The following RCOR2 variants were observed in gnomAD, a reference collection of about 807,000 sequenced individuals.
RCOR2 encodes the protein REST corepressor 2.
A neutral mutation model predicts 58.9 loss-of-function variants in RCOR2; 19 were observed. That is an observed-to-expected ratio of 0.32 (90% CI 0.23 to 0.47). RCOR2 has a LOEUF of 0.47. Among genes scored for constraint, RCOR2 ranks in the 20% least tolerant of loss-of-function variants. The probability of loss-of-function intolerance (pLI) is 1.00; values close to 1 mark genes in which losing one functional copy is unlikely to be tolerated. For missense variants in RCOR2, 590 were observed against 707.9 expected (o/e 0.83, Z 1.89); for synonymous variants, 286 against 278.7 (o/e 1.03, Z -0.26).
chr11:63,925,520 T>C, the RCOR2 span, among the ~76,000 whole-genome samples: 1 of 151,782 alleles, frequency 6.6e-6, no homozygotes, highest in Non-Finnish European at 1.5e-5. Context: ...CACGAGGAGA[T>C]GGAAAAAGCC....
chr11:63,913,805 G>A (rs1941814649), intron 8 of RCOR2, 149 bp downstream of exon 8: 2 of 781,624 alleles, frequency 2.6e-6, no homozygotes, highest in Non-Finnish European at 4.3e-6. Flanking sequence ...TTAAGAGAAG[G>A]CCCAAAAAGA....
chr11:63,916,938 C>G lies in RCOR2; in HGVS notation c.-482G>C, dbSNP rs910648788. 3 of 150,760 alleles carry G rather than the reference C, an allele frequency of 2.0e-5. No individual in the cohort carries two copies. The highest frequency in any genetic ancestry group is 4.5e-5 in the Non-Finnish European group (3 of 67,414). 9.3% of individuals were successfully genotyped at this position (150,760 alleles called of 1,614,324 possible). ...CGGGGACCCGTGTCCTAAGCAGACC[C>G]CTGCCCGCGACGGCAGCCGGCCGGG... is the stretch of plus-strand genomic sequence containing the variant. On this transcript the variant is annotated 5_prime_UTR_variant, in exon 1 of 12. Transcript: ENST00000301459.
At position 63,914,636 on chromosome 11, in the gene RCOR2, G is replaced by A. The variant is rs201131662; in HGVS notation, c.480+19C>T. The A allele has an allele frequency of 3.2e-5, 51 of 1,603,634 alleles. No individual in the cohort carries two copies. The African/African-American group carries it at 5.2e-4, about 16-fold the overall frequency. ...GAGGGGCAGAGGAGCGCCGGGGAGT[G>A]GGGGTGGAAGGGCTTTACCATCTGC... On this transcript the variant is annotated intron_variant, in intron 5 of 11. Coordinates refer to ENST00000301459, the MANE Select transcript of RCOR2 (RefSeq NM_173587.4).
At position 63,917,013 on chromosome 11, in the gene RCOR2, G is replaced by A. The variant is rs1340065577; in HGVS notation, c.-557C>T. Among the ~76,000 whole-genome samples the A allele has an allele frequency of 1.4e-5, 2 of 146,996 alleles. No individual in the cohort carries two copies. Among genetic ancestry groups the A allele is most frequent in the Non-Finnish European group, 3.0e-5 (2 of 66,050 alleles). ...ACGGCGGCGGGACGGCGCGCACGGCGCGCGGCGCTGGGCAGAGTTGCCGGG... is the reference window on the plus strand; with the variant it reads ...ACGGCGGCGGGACGGCGCGCACGGCACGCGGCGCTGGGCAGAGTTGCCGGG... On this transcript the variant is annotated 5_prime_UTR_variant, in exon 1 of 12. Transcript: ENST00000301459.
At chr11:63,926,499 T>TTTG in the RCOR2 span, among the ~76,000 whole-genome samples, 248 of 151,152 alleles carry the variant, frequency 1.6e-3, 1 homozygote, top group African/African-American at 5.5e-3. Flanking sequence ...CTTTTTTTTT[T>TTTG]TTTGTTTGTT....
In RCOR2 at chr11:63,916,601, C is replaced by G. The variant is rs897520420; in HGVS notation, c.-145G>C. The G allele has an allele frequency of 4.2e-5, 58 of 1,379,228 alleles. No homozygotes were observed. Among genetic ancestry groups the G allele is most frequent in the Admixed American group, 4.0e-4 (14 of 34,942 alleles). 85.4% of individuals were successfully genotyped at this position (1,379,228 alleles called of 1,614,324 possible). ...GGCAGGAGGTCAGCGTGGCTAGGGT[C>G]CGGCGGGGTGGGAGCCCACCTGGTA... is the stretch of plus-strand genomic sequence containing the variant. On this transcript the variant is annotated 5_prime_UTR_variant, in exon 1 of 12. Coordinates refer to ENST00000301459, the MANE Select transcript of RCOR2 (RefSeq NM_173587.4).
chr11:63,924,800 C>T, the RCOR2 span, among the ~76,000 whole-genome samples: 49 of 152,014 alleles, frequency 3.2e-4, no homozygotes, highest in African/African-American at 1.2e-3. Context: ...CCTCCTGTCT[C>T]AGCCTCCTGA....
chr11:63,920,792 C>G (rs1270624072), upstream of RCOR2, among the ~76,000 whole-genome samples: 1 of 152,118 alleles, frequency 6.6e-6, no homozygotes, highest in Non-Finnish European at 1.5e-5. Flanking sequence ...CTGCCGCCCA[C>G]TGGGGCCCTG....
At chr11:63,921,734 C>T (rs1257583287), upstream of RCOR2, among the ~76,000 whole-genome samples, 1 of 152,166 alleles carries the variant, frequency 6.6e-6, no homozygotes, top group Non-Finnish European at 1.5e-5. Context: ...TCTTGAGCAC[C>T]CCCAGCAGGG....
chr11:63,923,008 C>T, the RCOR2 span, among the ~76,000 whole-genome samples: 190 of 152,232 alleles, frequency 1.2e-3, no homozygotes, highest in South Asian at 3.3e-3. Flanking sequence ...ACTCCAGCCA[C>T]CATATGGCTC....
chr11:63,922,827 C>T, the RCOR2 span, among the ~76,000 whole-genome samples: 1 of 152,160 alleles, frequency 6.6e-6, no homozygotes, highest in Non-Finnish European at 1.5e-5. Flanking sequence ...CACCTGGTGG[C>T]CCAGGATGCT....
intron 7 of RCOR2, 24 bp from the exon 8 acceptor site, chr11:63,914,193 T>C (rs776952745): frequency 6.2e-7 from 1 of 1,612,378 alleles, no homozygotes; most frequent in East Asian, 2.2e-5. Flanking sequence ...GAGAGGCAGG[T>C]AGGTGGTGCA....
upstream of RCOR2, among the ~76,000 whole-genome samples, chr11:63,919,822 C>T (rs538968611): frequency 1.4e-4 from 22 of 152,378 alleles, no homozygotes; most frequent in African/African-American, 4.8e-4. Context: ...ACAGCGCCTT[C>T]TTTTCGAGGG....
At position 63,914,457 on chromosome 11, in the gene RCOR2, G is replaced by C. The variant is rs753674888; in HGVS notation, c.565C>G (p.Gln189Glu). Reference sequence around the variant, plus strand: ...TTGCGGCCCCCCAGCCGCCGGGCCTGTCTGTCCATCACACTAGTTCGGCTG... The same window carrying C: ...TTGCGGCCCCCCAGCCGCCGGGCCTCTCTGTCCATCACACTAGTTCGGCTG... Reference protein sequence around the residue: ...TRSRTSVMDRQARRLGGRKDK... With the variant: ...TRSRTSVMDREARRLGGRKDK... The change falls in exon 6 of 12, where the codon CAG (glutamine) becomes GAG (glutamate). Residue 189 changes from glutamine (Q) to glutamate (E), a missense_variant. By Grantham distance (29) the Gln-to-Glu change is conservative. Transcript: ENST00000301459. 7.7e-5 allele frequency: 124 copies of C among 1,613,708 alleles called. No individual in the cohort carries two copies. Among genetic ancestry groups the C allele is most frequent in the Non-Finnish European group, 1.0e-4 (121 of 1,180,034 alleles).
At position 63,913,843 on chromosome 11, in the gene RCOR2, A is replaced by T. The variant is rs186628783; in HGVS notation, c.891+111T>A. The T allele has an allele frequency of 7.0e-6, 7 of 1,002,222 alleles. No individual in the cohort carries two copies. In the East Asian group the frequency reaches 1.7e-4, roughly 24 times the overall value. The allele number at this position is 1,002,222 out of a possible 1,614,324, so 62.1% of individuals were successfully genotyped here. On this transcript the variant is annotated intron_variant, in intron 8 of 11. Transcript: ENST00000301459. Reference sequence around the variant, plus strand: ...ACCACATTACTCAGAGTCCCAGAGGATGGGGCTCGGCCCCTGAACCATCTC... The same window carrying T: ...ACCACATTACTCAGAGTCCCAGAGGTTGGGGCTCGGCCCCTGAACCATCTC...
At chr11:63,921,216 G>T (rs931679555), upstream of RCOR2, among the ~76,000 whole-genome samples, 1 of 152,168 alleles carries the variant, frequency 6.6e-6, no homozygotes, top group African/African-American at 2.4e-5. Flanking sequence ...GAGCCTGCTT[G>T]GTTTCTCCGG....
At chr11:63,920,139 G>C (rs1164506923), upstream of RCOR2, among the ~76,000 whole-genome samples, 1 of 152,220 alleles carries the variant, frequency 6.6e-6, no homozygotes, top group Non-Finnish European at 1.5e-5. Context: ...ATGAGGGCAG[G>C]GGCTCTGTTT....
chr11:63,916,375 G>A lies in RCOR2; in HGVS notation c.82C>T (p.Gln28Ter). ...SRAKTVPNGG[Q>*]PHSEDDSSEE... Reference sequence around the variant, plus strand: ...CTGCTGTCATCCTCCGAGTGGGGCTGTCCGCCGTTGGGCACCGTCTTGGCC... The same window carrying A: ...CTGCTGTCATCCTCCGAGTGGGGCTATCCGCCGTTGGGCACCGTCTTGGCC... Residue 28 changes from glutamine to a stop codon, truncating the protein, a stop_gained, in exon 1 of 12, where the codon CAG becomes TAG. Transcript: ENST00000301459. LOFTEE classifies it high-confidence loss of function. The A allele has an allele frequency of 6.2e-7, 1 of 1,607,278 alleles. No homozygotes were observed.
Position 63,911,734 on chromosome 11 carries a change from T to C in RCOR2, c.*131A>G. The C allele has an allele frequency of 1.5e-6, 2 of 1,346,738 alleles. No homozygotes were observed. Among genetic ancestry groups the C allele is most frequent in the Non-Finnish European group, 9.5e-7 (1 of 1,047,816 alleles). The allele number at this position is 1,346,738 out of a possible 1,614,324, so 83.4% of individuals were successfully genotyped here. On this transcript the variant is annotated 3_prime_UTR_variant, in exon 12 of 12. Coordinates refer to ENST00000301459, the MANE Select transcript of RCOR2 (RefSeq NM_173587.4). ...CAGAACCCAAAGGGCGGGGCTGGGC[T>C]GTCCGAAACTCTGGTCTTACAAAGA... is the stretch of plus-strand genomic sequence containing the variant.
Sources: gnomAD v4.1 joint callset for allele counts (sites outside exome capture counted in the v4.1 genomes callset) on GRCh38, gnomAD v4.1.1 for gene constraint, MANE v1.5 for transcripts, NCBI Gene and HGNC (gene_info 2026-07-23, HGNC 2026-07-21) for gene names.